ATP9A: variants seen among roughly 807,000 people sequenced by gnomAD.
The protein encoded by ATP9A is probable phospholipid-transporting ATPase IIA.
Under a neutral mutation model 144.1 loss-of-function variants are expected in ATP9A, and 52 were observed. The ratio of observed to expected loss-of-function variants is 0.36; its 90% confidence interval spans 0.29 to 0.45. ATP9A has a LOEUF of 0.45. Ranked by LOEUF, ATP9A falls within the 20% of genes least tolerant of loss-of-function variation. ATP9A has a pLI of 1.00. For synonymous variants in ATP9A, 582 were observed against 557.4 expected, an observed-to-expected ratio of 1.04 and a Z score of -0.62; for missense variants, 947 against 1,392.7, an observed-to-expected ratio of 0.68 and a Z score of 5.09.
chr20:51,765,654 A>AAAAAAAAAAG (rs1188144322), intron 1 of ATP9A, among the ~76,000 whole-genome samples: 1 of 149,212 alleles, frequency 6.7e-6, no homozygotes, highest in Non-Finnish European at 1.5e-5. Flanking sequence ...AAAAAAAAAA[A>AAAAAAAAAAG]CAGAATTAGA....
chr20:51,672,948 GAA>G (rs755485226), intron 11 of ATP9A, among the ~76,000 whole-genome samples: 1 of 152,136 alleles, frequency 6.6e-6, no homozygotes, highest in Non-Finnish European at 1.5e-5. Context: ...AAGCACTCTA[GAA>G]AAAAGTATAT....
rs1194181890 is a variant in ATP9A at position 51,644,273 on chromosome 20, T to TC, written c.1507-4770_1507-4769insG. 1.0e-3 allele frequency among the ~76,000 whole-genome samples: 139 copies of TC among 132,446 alleles called. 2 individuals are homozygous for TC. The South Asian group carries it at 0.014, about 13-fold the overall frequency. 86.9% of individuals were successfully genotyped at this position (132,446 alleles called of 152,430 possible). ...TTCTAGCTTTTACTTCTAGCTTTTT[T>TC]TTTTTTTTTTTTTTTTTGAGACGGA... On this transcript the variant is annotated intron_variant, in intron 14 of 27. Transcript: ENST00000338821.
chr20:51,741,309 G>A (rs1235767633), intron 1 of ATP9A, among the ~76,000 whole-genome samples: 3 of 152,188 alleles, frequency 2.0e-5, no homozygotes, highest in Non-Finnish European at 4.4e-5. Flanking sequence ...GGCCAGGCGC[G>A]GTGGCTCACG....
At chr20:51,687,775 A>AATGAATGAATGAATGAATG (rs1555836824) in intron 9 of ATP9A, among the ~76,000 whole-genome samples, 10 of 147,570 alleles carry the variant, frequency 6.8e-5, no homozygotes, top group Non-Finnish European at 1.0e-4. Flanking sequence ...AAAAAAAAAA[A>AATGAATGAATGAATGAATG]AATGAATGAA....
chr20:51,636,551 C>T (rs970902860), intron 15 of ATP9A, among the ~76,000 whole-genome samples: 1 of 152,180 alleles, frequency 6.6e-6, no homozygotes, highest in African/African-American at 2.4e-5. Context: ...AGCCCTAACC[C>T]CCAAGTCCTG....
chr20:51,684,352 A>G lies in ATP9A; in HGVS notation c.799+4712T>C, dbSNP rs922311974. ...CAAATTATTTTTTAAAAACCAACCT[A>G]TAAGCAGAAATAATGGGCACAGGAC... On this transcript the variant is annotated intron_variant, in intron 9 of 27. Transcript: ENST00000338821. 9.8e-5 allele frequency among the ~76,000 whole-genome samples: 15 copies of G among 152,360 alleles called. No homozygotes were observed. In the South Asian group the frequency reaches 2.9e-3, roughly 29 times the overall value.
In ATP9A at chr20:51,623,787, C is replaced by CA. The variant is rs746253035; in HGVS notation, c.2016+1404dup. Among the ~76,000 whole-genome samples the CA allele has an allele frequency of 2.0e-3, 143 of 72,004 alleles. 3 individuals carry two copies. The highest frequency in any genetic ancestry group is 0.017 in the East Asian group (32 of 1,932). 47.2% of individuals were successfully genotyped at this position (72,004 alleles called of 152,430 possible). A position where few individuals can be genotyped will look rare whatever the true frequency, so the allele number is the denominator to read the frequency against. On this transcript the variant is annotated intron_variant, in intron 18 of 27. Coordinates refer to ENST00000338821, the MANE Select transcript of ATP9A (RefSeq NM_006045.3). ...TGGGCGACAGAGTGAAACTCTGTCT[C>CA]AAAAAAAAAAAAAAAAAGAAAGAAA...
chr20:51,671,131 T>C lies in ATP9A; in HGVS notation c.1164A>G (p.Leu388=), dbSNP rs1399572367. 2 of 1,613,794 alleles carry C rather than the reference T, an allele frequency of 1.2e-6. No individual in the cohort carries two copies. The highest frequency in any genetic ancestry group is 2.2e-5 in the East Asian group (1 of 44,868). Residue 388 remains leucine, a synonymous_variant, in exon 12 of 28, where the codon TTA becomes TTG. Coordinates refer to ENST00000338821, the MANE Select transcript of ATP9A (RefSeq NM_006045.3). ...GCAGCTCACCTGTCTTGTCTGTGAG[T>C]AAGTACGAAATCCTGCCCAGCTGCT... ...IPEQLGRISY[L]LTDKTGTLTQ...
intron 25 of ATP9A, among the ~76,000 whole-genome samples, chr20:51,607,810 G>A (rs1187942107): frequency 6.6e-6 from 1 of 152,262 alleles, no homozygotes; most frequent in Middle Eastern, 3.4e-3. Context: ...TTGGAAGGCT[G>A]AGGCAAGTGG....
intron 1 of ATP9A, among the ~76,000 whole-genome samples, chr20:51,749,223 G>C (rs1345953118): frequency 6.6e-6 from 1 of 152,012 alleles, no homozygotes; most frequent in East Asian, 1.9e-4. Context: ...ATTTCAAAAA[G>C]GGAATGAAGA....
At chr20:51,614,099 C>T (rs1416381077) in intron 22 of ATP9A, among the ~76,000 whole-genome samples, 1 of 152,098 alleles carries the variant, frequency 6.6e-6, no homozygotes, top group Non-Finnish European at 1.5e-5. Context: ...TCAGCCCACC[C>T]CATAAGTAGC....
At chr20:51,716,648 T>C (rs900591855) in intron 3 of ATP9A, among the ~76,000 whole-genome samples, 1 of 152,072 alleles carries the variant, frequency 6.6e-6, no homozygotes, top group African/African-American at 2.4e-5. Context: ...AGAATGAGAC[T>C]CTGTCTCAGG....
intron 1 of ATP9A, among the ~76,000 whole-genome samples, chr20:51,753,744 G>A (rs1199682899): frequency 2.0e-5 from 3 of 148,442 alleles, no homozygotes; most frequent in Non-Finnish European, 3.0e-5. Context: ...TCGACTCACT[G>A]CAACCTCCGC....
chr20:51,610,442 A>G (rs1396597868), intron 23 of ATP9A, among the ~76,000 whole-genome samples: 1 of 152,194 alleles, frequency 6.6e-6, no homozygotes, highest in Non-Finnish European at 1.5e-5. Context: ...CAAATCTAGG[A>G]ATCATTCCCG....
At chr20:51,724,993 T>A (rs1223602999) in intron 3 of ATP9A, among the ~76,000 whole-genome samples, 2 of 152,214 alleles carry the variant, frequency 1.3e-5, no homozygotes, top group African/African-American at 4.8e-5. Context: ...ATCTGTGCCA[T>A]CCTTACCAGT....
At chr20:51,734,851 A>AC (rs749062711) in intron 1 of ATP9A, 54 of 216,672 alleles carry the variant, frequency 2.5e-4, no homozygotes, top group Non-Finnish European at 3.8e-4. Flanking sequence ...AAAGAGGTTA[A>AC]GCCCAAGATC....
chr20:51,670,627 C>T (rs1214178073), intron 12 of ATP9A, among the ~76,000 whole-genome samples: 1 of 152,168 alleles, frequency 6.6e-6, no homozygotes, highest in African/African-American at 2.4e-5. Context: ...ACCCCATGGA[C>T]ATTAAGCAGT....
At chr20:51,633,213 C>T (rs184619924) in intron 15 of ATP9A, among the ~76,000 whole-genome samples, 28 of 152,148 alleles carry the variant, frequency 1.8e-4, no homozygotes, top group African/African-American at 6.5e-4. Flanking sequence ...AATAGTGGCA[C>T]ATTCTTTCAA....
chr20:51,657,162 A>G lies in ATP9A; in HGVS notation c.1294-12T>C, dbSNP rs1601086434. 1 of 1,605,242 alleles carries G rather than the reference A, an allele frequency of 6.2e-7. No individual in the cohort carries two copies. The highest frequency in any genetic ancestry group is 8.5e-7 in the Non-Finnish European group (1 of 1,172,328). On this transcript the variant is annotated splice_polypyrimidine_tract_variant and intron_variant, in intron 13 of 27. Coordinates refer to ENST00000338821, the MANE Select transcript of ATP9A (RefSeq NM_006045.3). Reference sequence around the variant, plus strand: ...GGGTCCTGGGATTGCTACAGGAAGGAGAAATGAACAAGGAAGATGACCAGA... The same window carrying G: ...GGGTCCTGGGATTGCTACAGGAAGGGGAAATGAACAAGGAAGATGACCAGA...
Sources: gnomAD v4.1 joint callset for allele counts (sites outside exome capture counted in the v4.1 genomes callset) on GRCh38, gnomAD v4.1.1 for gene constraint, MANE v1.5 for transcripts, NCBI Gene and HGNC (gene_info 2026-07-23, HGNC 2026-07-21) for gene names.